The following MAML3 variants were observed in gnomAD, a reference collection of about 807,000 sequenced individuals.
The protein encoded by MAML3 is mastermind like transcriptional coactivator 3, also known as mastermind-like protein 3.
In MAML3, 27 loss-of-function variants were observed where a neutral mutation model predicts 101.9. The observed-to-expected ratio is 0.27, with a 90% CI of 0.20 to 0.37. The LOEUF is 0.37. Ranked by LOEUF, MAML3 falls within the 10% of genes least tolerant of loss-of-function variation. The pLI is 1.00. For missense variants in MAML3, 1,316 were observed against 1,444.9 expected, an observed-to-expected ratio of 0.91 and a Z score of 1.45; for synonymous variants, 501 against 555.9, an observed-to-expected ratio of 0.90 and a Z score of 1.39.
chr4:140,092,986 G>A (rs907569273), intron 1 of MAML3, among the ~76,000 whole-genome samples: 1 of 152,186 alleles, frequency 6.6e-6, no homozygotes, highest in Admixed American at 6.5e-5. Context: ...AAGTGGCAAG[G>A]ATTCCTGCAC....
At chr4:140,079,743 CCCAGA>C (rs1313342281) in intron 1 of MAML3, among the ~76,000 whole-genome samples, 1 of 152,154 alleles carries the variant, frequency 6.6e-6, no homozygotes, top group Non-Finnish European at 1.5e-5. Flanking sequence ...CCCAAATGAC[CCCAGA>C]CCAAAGACTG....
chr4:140,107,837 T>C (rs1437307596), intron 1 of MAML3, among the ~76,000 whole-genome samples: 1 of 149,866 alleles, frequency 6.7e-6, no homozygotes, highest in Non-Finnish European at 1.5e-5. Context: ...AAAAGACCCC[T>C]CAGCCAGAGT....
intron 2 of MAML3, among the ~76,000 whole-genome samples, chr4:139,788,525 C>T (rs1730346262): frequency 6.6e-6 from 1 of 152,114 alleles, no homozygotes; most frequent in Non-Finnish European, 1.5e-5. Flanking sequence ...GAATGAAATC[C>T]TCCCATTTTT....
intron 1 of MAML3, among the ~76,000 whole-genome samples, chr4:139,973,797 A>T (rs1050536171): frequency 7.2e-5 from 11 of 152,244 alleles, no homozygotes; most frequent in African/African-American, 2.7e-4. Flanking sequence ...AGAATGGTCA[A>T]AAACCACTTG....
intron 1 of MAML3, among the ~76,000 whole-genome samples, chr4:139,971,461 C>A (rs917248074): frequency 6.6e-6 from 1 of 152,132 alleles, no homozygotes; most frequent in Admixed American, 6.5e-5. Flanking sequence ...AGAGAATAAA[C>A]CCTCAATATT....
At chr4:139,934,950 C>T (rs1733476154) in intron 1 of MAML3, among the ~76,000 whole-genome samples, 1 of 152,160 alleles carries the variant, frequency 6.6e-6, no homozygotes, top group Non-Finnish European at 1.5e-5. Context: ...CTTAGCATCA[C>T]CTGGCCTAAT....
intron 2 of MAML3, among the ~76,000 whole-genome samples, chr4:139,758,019 C>T (rs1455357688): frequency 1.3e-5 from 2 of 152,190 alleles, no homozygotes; most frequent in African/African-American, 2.4e-5. Context: ...CAGTTTCTCT[C>T]CCCCTGGCTG....
chr4:139,772,202 T>C (rs1230767717), intron 2 of MAML3, among the ~76,000 whole-genome samples: 9 of 107,006 alleles, frequency 8.4e-5, no homozygotes, highest in African/African-American at 1.8e-4. Flanking sequence ...ATCGCGCCAC[T>C]GCACTCCAGC....
chr4:139,878,859 G>A (rs751448013), intron 2 of MAML3, among the ~76,000 whole-genome samples: 3 of 152,160 alleles, frequency 2.0e-5, no homozygotes, highest in African/African-American at 4.8e-5. Flanking sequence ...GCCTTGTGTC[G>A]CCTTTAATGT....
intron 2 of MAML3, among the ~76,000 whole-genome samples, chr4:139,850,702 G>A (rs1350197281): frequency 2.0e-5 from 3 of 151,824 alleles, no homozygotes; most frequent in African/African-American, 7.3e-5. Flanking sequence ...CACGAAGCCC[G>A]GCTAATTTTT....
At chr4:139,992,100 C>T (rs548935132) in intron 1 of MAML3, among the ~76,000 whole-genome samples, 2 of 152,248 alleles carry the variant, frequency 1.3e-5, no homozygotes, top group African/African-American at 4.8e-5. Flanking sequence ...CAATTGGAAT[C>T]ATATAAATGT....
chr4:139,830,687 T>G (rs2111133244), intron 2 of MAML3, among the ~76,000 whole-genome samples: 1 of 152,246 alleles, frequency 6.6e-6, no homozygotes, highest in Non-Finnish European at 1.5e-5. Flanking sequence ...GTGCTGGGAT[T>G]ACAGGCGTGA....
intron 1 of MAML3, among the ~76,000 whole-genome samples, chr4:140,046,152 G>T (rs1477122820): frequency 6.6e-6 from 1 of 152,204 alleles, no homozygotes; most frequent in Admixed American, 6.5e-5. Flanking sequence ...GTTAGATGAG[G>T]TCATGTTACT....
At chr4:140,064,381 CA>C (rs1208919946) in intron 1 of MAML3, among the ~76,000 whole-genome samples, 5 of 152,168 alleles carry the variant, frequency 3.3e-5, no homozygotes, top group African/African-American at 4.8e-5. Context: ...GCAGGACATT[CA>C]AAGCCTTTTG....
intron 2 of MAML3, among the ~76,000 whole-genome samples, chr4:139,816,057 G>A (rs1730887838): frequency 6.6e-6 from 1 of 152,160 alleles, no homozygotes; most frequent in Non-Finnish European, 1.5e-5. Flanking sequence ...CCTAGAAATG[G>A]TGAGTCAGTC....
At chr4:140,149,246 G>A (rs2111064892) in intron 1 of MAML3, among the ~76,000 whole-genome samples, 1 of 152,304 alleles carries the variant, frequency 6.6e-6, no homozygotes. Context: ...ATAAAGTGGT[G>A]GTGGTTGGGA....
At chr4:139,818,469 T>C (rs890991817) in intron 2 of MAML3, among the ~76,000 whole-genome samples, 1 of 152,202 alleles carries the variant, frequency 6.6e-6, no homozygotes, top group Non-Finnish European at 1.5e-5. Flanking sequence ...ATCTCTTCCA[T>C]GAGATTTTTT....
intron 1 of MAML3, among the ~76,000 whole-genome samples, chr4:140,097,593 G>A (rs1728184359): frequency 1.3e-5 from 2 of 151,170 alleles, no homozygotes; most frequent in Non-Finnish European, 2.9e-5. Flanking sequence ...GGATACTGAA[G>A]AAGGAATGTA....
At chr4:139,910,050 T>C (rs1453406616) in intron 1 of MAML3, among the ~76,000 whole-genome samples, 1 of 151,958 alleles carries the variant, frequency 6.6e-6, no homozygotes, top group African/African-American at 2.4e-5. Context: ...ATCAAGAAAG[T>C]AGGACAAAAC....
Sources: allele counts gnomAD v4.1 joint callset (sites outside exome capture counted in the v4.1 genomes callset), GRCh38; gene constraint gnomAD v4.1.1; transcripts MANE v1.5; gene names NCBI Gene and HGNC (gene_info 2026-07-23, HGNC 2026-07-21).